Variants in MTRF1 observed in about 807,000 individuals in gnomAD.
MTRF1 encodes the protein peptide chain release factor 1, mitochondrial.
In MTRF1, 51 loss-of-function variants were observed where a neutral mutation model predicts 62.9. That is an observed-to-expected ratio of 0.81 (90% CI 0.65 to 1.02). The LOEUF (loss-of-function observed/expected upper bound fraction) is 1.02, where lower values mean the gene tolerates loss of function less well. MTRF1 is among the 50% of genes least tolerant of loss of function. The probability of loss-of-function intolerance (pLI) is 0.00; values close to 1 mark genes in which losing one functional copy is unlikely to be tolerated. For synonymous variants in MTRF1, 158 were observed against 181.9 expected (o/e 0.87, Z 1.06); for missense variants, 446 against 530.0 (o/e 0.84, Z 1.56).
chr13:41,233,977 G>A lies in MTRF1; in HGVS notation c.901C>T (p.Arg301Ter), dbSNP rs756668523. The stretch of plus-strand genomic sequence containing the variant: ...CCTTTGGCTCGAAATGTATCTATTC[G>A]CAAATCCTTGGGGTCCAATTTCACA... Reference protein sequence around the residue: ...VDVKLDPKDLRIDTFRAKGAG... With the variant: ...VDVKLDPKDL Residue 301 changes from arginine to a stop codon, truncating the protein, a stop_gained, in exon 7 of 10, where the codon CGA becomes TGA. Coordinates refer to ENST00000379480, the MANE Select transcript of MTRF1 (RefSeq NM_004294.4). LOFTEE classifies it high-confidence loss of function. 15 of 1,613,980 alleles carry A rather than the reference G, an allele frequency of 9.3e-6. No individual in the cohort carries two copies. Among genetic ancestry groups the A allele is most frequent in the East Asian group, 4.5e-5 (2 of 44,878 alleles).
At chr13:41,303,265 T>G in the MTRF1 span, among the ~76,000 whole-genome samples, 3 of 152,082 alleles carry the variant, frequency 2.0e-5, no homozygotes, top group Non-Finnish European at 4.4e-5. Flanking sequence ...TTATAAGACA[T>G]CCAGATGGAG....
intron 6 of MTRF1, chr13:41,236,221 T>C (rs1221982315): frequency 6.6e-6 from 1 of 152,172 alleles, no homozygotes; most frequent in Non-Finnish European, 1.5e-5. Context: ...GTTCAAGAGA[T>C]TCTCCTGCCT....
intron 6 of MTRF1, chr13:41,236,696 TTA>T: frequency 6.6e-6 from 1 of 152,218 alleles, no homozygotes; most frequent in Non-Finnish European, 1.5e-5. Flanking sequence ...TAAGAGTGAC[TTA>T]CCATTTCATG....
intron 6 of MTRF1, among the ~76,000 whole-genome samples, 154 bp downstream of exon 6, chr13:41,240,107 G>A (rs557353461): frequency 3.6e-4 from 54 of 151,774 alleles, no homozygotes; most frequent in African/African-American, 1.2e-3. Context: ...AGGTTGCAGT[G>A]AGCAGAGATC....
At chr13:41,241,340 G>A (rs931207650) in intron 5 of MTRF1, among the ~76,000 whole-genome samples, 14 of 151,996 alleles carry the variant, frequency 9.2e-5, no homozygotes, top group Non-Finnish European at 1.6e-4. Flanking sequence ...CACCATGCCC[G>A]GCCACTTGTT....
chr13:41,254,449 T>G (rs1000265989), intron 3 of MTRF1, 80 bp downstream of exon 3: 2 of 953,304 alleles, frequency 2.1e-6, no homozygotes, highest in African/African-American at 1.6e-5. Context: ...GAAACCACTA[T>G]GAGCACCGAA....
chr13:41,252,075 T>C (rs2039133595), intron 5 of MTRF1, among the ~76,000 whole-genome samples: 1 of 152,164 alleles, frequency 6.6e-6, no homozygotes, highest in Non-Finnish European at 1.5e-5. Context: ...AGTCAGGGTT[T>C]TGCCATGTTG....
chr13:41,266,528 C>T (rs1305011950), upstream of MTRF1, among the ~76,000 whole-genome samples: 2 of 152,176 alleles, frequency 1.3e-5, no homozygotes, highest in Admixed American at 6.5e-5. Context: ...ATGAGACTCA[C>T]TTGAACCTGG....
In MTRF1 at chr13:41,252,974, C is replaced by A. The variant is rs776406639; in HGVS notation, c.564G>T (p.Glu188Asp). 1 of 1,607,090 alleles carries A rather than the reference C, an allele frequency of 6.2e-7. No individual in the cohort carries two copies. The highest frequency in any genetic ancestry group is 8.5e-7 in the Non-Finnish European group (1 of 1,177,390). ...CTCCAGTAGTCCTTCCAGCTGTCAC[C>A]TCTAAAATAACATCATTTTTGTCAT... ...EKYDKNDVIL[E>D]VTAGRTTGGD... Residue 188 changes from glutamate (E) to aspartate (D), a missense_variant, in exon 4 of 10, where the codon GAG (glutamate) becomes GAT (aspartate). By Grantham distance (45) the Glu-to-Asp change is conservative (BLOSUM62 2). Transcript: ENST00000379480.
chr13:41,234,563 C>T (rs905062665), intron 6 of MTRF1, among the ~76,000 whole-genome samples: 1 of 152,106 alleles, frequency 6.6e-6, no homozygotes, highest in Non-Finnish European at 1.5e-5. Flanking sequence ...CATTCATCAT[C>T]CCAAAGTTAC....
intron 1 of MTRF1, chr13:41,261,711 G>T: frequency 1.4e-6 from 1 of 724,270 alleles, no homozygotes; most frequent in Non-Finnish European, 1.7e-6. Flanking sequence ...CTATTCAGTC[G>T]GCTGGATGGA....
chr13:41,254,370 C>T (rs899206201), intron 3 of MTRF1, among the ~76,000 whole-genome samples, 159 bp downstream of exon 3: 2 of 152,026 alleles, frequency 1.3e-5, no homozygotes, highest in African/African-American at 4.8e-5. Flanking sequence ...TCTTCATTCT[C>T]ATTCTGCAGC....
intron 5 of MTRF1, among the ~76,000 whole-genome samples, chr13:41,244,011 T>C (rs1014912407): frequency 1.3e-5 from 2 of 152,218 alleles, no homozygotes; most frequent in Non-Finnish European, 1.5e-5. Context: ...CCTCAATTAG[T>C]CCCAGTTCTT....
At chr13:41,249,626 T>TC (rs1339663909) in intron 5 of MTRF1, among the ~76,000 whole-genome samples, 1 of 114,502 alleles carries the variant, frequency 8.7e-6, no homozygotes, top group Non-Finnish European at 1.8e-5. Context: ...TTTCTTTTTT[T>TC]TTTTTTTTTT....
At chr13:41,283,585 CTTTTTTT>C in the MTRF1 span, among the ~76,000 whole-genome samples, 1 of 83,566 alleles carries the variant, frequency 1.2e-5, no homozygotes, top group East Asian at 4.2e-4. Flanking sequence ...CTCTGACAAT[CTTTTTTT>C]TTTTTTTTTT....
the MTRF1 span, among the ~76,000 whole-genome samples, chr13:41,284,807 C>T: frequency 1.4e-4 from 21 of 152,212 alleles, no homozygotes; most frequent in Middle Eastern, 3.4e-3. Flanking sequence ...GCACCCGCCA[C>T]CACAACTGGC....
At chr13:41,234,897 A>G (rs926510759) in intron 6 of MTRF1, among the ~76,000 whole-genome samples, 11 of 152,094 alleles carry the variant, frequency 7.2e-5, no homozygotes, top group Non-Finnish European at 1.6e-4. Flanking sequence ...TTCTGGGGCC[A>G]ATTTGGACTG....
upstream of MTRF1, among the ~76,000 whole-genome samples, chr13:41,265,676 AAAG>A (rs1386208945): frequency 4.2e-4 from 15 of 36,012 alleles, no homozygotes; most frequent in Admixed American, 5.0e-3. Flanking sequence ...CTGCCCAAAC[AAAG>A]AAGAGGTTAC....
the MTRF1 span, among the ~76,000 whole-genome samples, chr13:41,299,377 T>A: frequency 6.6e-6 from 1 of 152,244 alleles, no homozygotes; most frequent in Non-Finnish European, 1.5e-5. Context: ...TATTTTCTTT[T>A]CTTTTAGAGC....
Sources: allele counts gnomAD v4.1 joint callset (sites outside exome capture counted in the v4.1 genomes callset), GRCh38; gene constraint gnomAD v4.1.1; transcripts MANE v1.5; gene names NCBI Gene and HGNC (gene_info 2026-07-23, HGNC 2026-07-21).